Variants in CAMTA1 observed in about 807,000 individuals in gnomAD.
CAMTA1 encodes the protein calmodulin-binding transcription activator 1.
A neutral mutation model predicts 170.9 loss-of-function variants in CAMTA1; 27 were observed. That is an observed-to-expected ratio of 0.16 (90% CI 0.12 to 0.22). The LOEUF (loss-of-function observed/expected upper bound fraction) is 0.22, where lower values mean the gene tolerates loss of function less well. Among genes scored for constraint, CAMTA1 ranks in the 10% least tolerant of loss-of-function variants. CAMTA1 has a pLI of 1.00. For missense variants in CAMTA1, 1,619 were observed against 2,217.2 expected (o/e 0.73, Z 5.42); for synonymous variants, 833 against 891.5 (o/e 0.93, Z 1.17).
intron 4 of CAMTA1, among the ~76,000 whole-genome samples, chr1:7,164,256 G>T (rs6667816): frequency 0.013 from 2,022 of 152,320 alleles, 44 homozygotes; most frequent in African/African-American, 0.046. Flanking sequence ...GATCCCACAG[G>T]CCCCAGTGGG....
At chr1:7,235,756 T>G (rs1663713978) in intron 4 of CAMTA1, among the ~76,000 whole-genome samples, 1 of 152,190 alleles carries the variant, frequency 6.6e-6, no homozygotes, top group Non-Finnish European at 1.5e-5. Context: ...TGGTGGCTTG[T>G]GGGGGGCTTT....
At chr1:6,907,148 C>A (rs892898441) in intron 3 of CAMTA1, among the ~76,000 whole-genome samples, 1 of 152,118 alleles carries the variant, frequency 6.6e-6, no homozygotes, top group African/African-American at 2.4e-5. Context: ...TCTAAAAATC[C>A]GGTGTGTGGT....
chr1:7,368,319 C>T (rs549101898), intron 5 of CAMTA1, among the ~76,000 whole-genome samples: 25 of 149,196 alleles, frequency 1.7e-4, no homozygotes, highest in Non-Finnish European at 1.2e-4. Flanking sequence ...TTTCATTGGG[C>T]GCAGACACTG....
At chr1:7,198,351 G>T (rs1339421239) in intron 4 of CAMTA1, among the ~76,000 whole-genome samples, 2 of 151,878 alleles carry the variant, frequency 1.3e-5, no homozygotes, top group East Asian at 3.9e-4. Flanking sequence ...ACCTGTCACT[G>T]GTCCTGACCC....
Position 7,123,033 on chromosome 1 carries a change from G to A in CAMTA1, c.302+31662G>A, listed in dbSNP as rs111467649. Among the ~76,000 whole-genome samples, 357 of 152,318 alleles carry A rather than the reference G, an allele frequency of 2.3e-3. 3 individuals carry two copies. Among genetic ancestry groups the A allele is most frequent in the African/African-American group, 8.4e-3 (351 of 41,572 alleles). On this transcript the variant is annotated intron_variant, in intron 4 of 22. Coordinates refer to ENST00000303635, the MANE Select transcript of CAMTA1 (RefSeq NM_015215.4). ...GAAACTCAAGATCCAAACGTGGTCT[G>A]CAAGCCCTGCACACACGTGGGGCTC...
chr1:7,332,692 C>T (rs1350352988), intron 5 of CAMTA1, among the ~76,000 whole-genome samples: 1 of 152,220 alleles, frequency 6.6e-6, no homozygotes, highest in Admixed American at 6.5e-5. Flanking sequence ...ATGAGCGACA[C>T]AGTGTACTTG....
intron 1 of CAMTA1, among the ~76,000 whole-genome samples, chr1:6,812,766 A>G (rs1645332642): frequency 6.6e-6 from 1 of 152,370 alleles, no homozygotes; most frequent in African/African-American, 2.4e-5. Context: ...CATCTCTGGT[A>G]ATAGAGAATC....
chr1:7,467,722 G>A (rs1012953939), intron 5 of CAMTA1, 108 bp from the exon 6 acceptor site: 13 of 1,008,554 alleles, frequency 1.3e-5, no homozygotes, highest in Middle Eastern at 2.0e-4. Context: ...TCCCTGGGCC[G>A]CTGCCAGGCG....
rs1345796528 is a variant in CAMTA1, at chr1:7,065,706, T to G, written c.235-25598T>G. Among the ~76,000 whole-genome samples the G allele has an allele frequency of 6.6e-6, 1 of 152,004 alleles. No homozygotes were observed. The highest frequency in any genetic ancestry group is 1.5e-5 in the Non-Finnish European group (1 of 67,992). ...GAAGAATCCAGAAAAGGGAGATGGG[T>G]CCGTGGATAGGTGGAAGCCCTAGGT... On this transcript the variant is annotated intron_variant, in intron 3 of 22. Transcript: ENST00000303635. The surrounding 1 kb of genome is among the most constrained non-coding windows in gnomAD (Gnocchi z 5.2).
In CAMTA1 at chr1:7,133,361, C is replaced by T. The variant is rs1311716020; in HGVS notation, c.302+41990C>T. The stretch of plus-strand genomic sequence containing the variant: ...CTATTTAAGTTATCAAATTCATTGC[C>T]GTAAAATTATTCACAATATTTCCTT... On this transcript the variant is annotated intron_variant, in intron 4 of 22. Transcript: ENST00000303635. Among the ~76,000 whole-genome samples the T allele has an allele frequency of 1.3e-5, 2 of 152,100 alleles. 1 individual carries two copies. The highest frequency in any genetic ancestry group is 4.1e-4 in the South Asian group (2 of 4,822).
At chr1:7,083,744 C>G (rs1054026011) in intron 3 of CAMTA1, among the ~76,000 whole-genome samples, 1 of 152,150 alleles carries the variant, frequency 6.6e-6, no homozygotes, top group East Asian at 1.9e-4. Context: ...TCACCGTAAA[C>G]ATATTGGTTA....
chr1:7,418,297 G>A (rs1167751754), intron 5 of CAMTA1, among the ~76,000 whole-genome samples: 2 of 152,166 alleles, frequency 1.3e-5, no homozygotes, highest in African/African-American at 4.8e-5. Flanking sequence ...CCAGGTTCAA[G>A]TGATTCTTCT....
chr1:7,664,937 C>T lies in CAMTA1; in HGVS notation c.2390C>T (p.Ser797Leu), dbSNP rs146965754. The T allele has an allele frequency of 5.6e-6, 9 of 1,613,012 alleles. No homozygotes were observed. Among genetic ancestry groups the T allele is most frequent in the Admixed American group, 1.7e-5 (1 of 60,028 alleles). ...ACCATCTATGGGCACCAGCTGGTGT[C>T]GGGGGACAGCACGGCGCTCTCACAG... is the stretch of plus-strand genomic sequence containing the variant. ...SSTIYGHQLV[S>L]GDSTALSQSE... The change falls in exon 9 of 23, where the codon TCG (serine) becomes TTG (leucine). Residue 797 changes from serine (S) to leucine (L), a missense_variant. Physicochemically the swap from Ser to Leu is moderately radical, Grantham distance 145 (BLOSUM62 -2). Transcript: ENST00000303635.
intron 4 of CAMTA1, among the ~76,000 whole-genome samples, chr1:7,180,511 C>CTTTTTT (rs397862259): frequency 5.6e-5 from 4 of 71,176 alleles, no homozygotes; most frequent in Non-Finnish European, 9.6e-5. Context: ...TGTCACTAGA[C>CTTTTTT]TTTTTTTTTT....
chr1:7,049,240 G>T (rs1033161926), intron 3 of CAMTA1, among the ~76,000 whole-genome samples: 1 of 152,122 alleles, frequency 6.6e-6, no homozygotes, highest in Non-Finnish European at 1.5e-5. Flanking sequence ...AGAGGAAACT[G>T]CCCAGTCAGA....
intron 11 of CAMTA1, among the ~76,000 whole-genome samples, chr1:7,707,382 T>G (rs2096534881): frequency 6.6e-6 from 1 of 152,042 alleles, no homozygotes; most frequent in African/African-American, 2.4e-5. Context: ...GTGAAAGGTG[T>G]GAGGCTCTTT....
At chr1:7,610,621 AG>A (rs1032687931) in intron 6 of CAMTA1, among the ~76,000 whole-genome samples, 81 of 152,286 alleles carry the variant, frequency 5.3e-4, no homozygotes, top group African/African-American at 1.9e-3. Context: ...CAACAGTTGC[AG>A]GGGGGTGCCC....
chr1:7,608,887 C>T (rs1036763689), intron 6 of CAMTA1, among the ~76,000 whole-genome samples: 1 of 152,108 alleles, frequency 6.6e-6, no homozygotes, highest in African/African-American at 2.4e-5. Flanking sequence ...AGGGCCAGGC[C>T]CTTGGCATGG....
intron 3 of CAMTA1, among the ~76,000 whole-genome samples, chr1:7,077,378 A>C (rs1324983431): frequency 3.9e-5 from 6 of 152,020 alleles, no homozygotes; most frequent in African/African-American, 1.4e-4. Flanking sequence ...ACTCGTGGAA[A>C]GTGCCTCCCC....
Sources: gnomAD v4.1 joint callset for allele counts (sites outside exome capture counted in the v4.1 genomes callset) on GRCh38, gnomAD v4.1.1 for gene constraint, Gnocchi (gnomAD v3.1) non-coding constraint, MANE v1.5 for transcripts, NCBI Gene and HGNC (gene_info 2026-07-23, HGNC 2026-07-21) for gene names.